MYO1D: variants seen among roughly 807,000 people sequenced by gnomAD.
The protein encoded by MYO1D is myosin ID.
A neutral mutation model predicts 122.0 loss-of-function variants in MYO1D; 83 were observed. That is an observed-to-expected ratio of 0.68 (90% CI 0.57 to 0.82). MYO1D has a LOEUF of 0.82. Ranked by LOEUF, MYO1D falls within the 40% of genes least tolerant of loss-of-function variation. The pLI, the probability that MYO1D is intolerant of heterozygous loss-of-function variation, is 0.00. For missense variants in MYO1D, 1,157 were observed against 1,269.5 expected (o/e 0.91, Z 1.35); for synonymous variants, 464 against 446.9 (o/e 1.04, Z -0.48).
chr17:32,693,109 ATTAAATTG>A, intron 16 of MYO1D, among the ~76,000 whole-genome samples: 2 of 152,352 alleles, frequency 1.3e-5, no homozygotes, highest in South Asian at 4.1e-4. Context: ...AGCAATTCTC[ATTAAATTG>A]TTCAGAAGTT....
intron 15 of MYO1D, among the ~76,000 whole-genome samples, chr17:32,715,380 T>C (rs1334496187): frequency 6.6e-6 from 1 of 152,214 alleles, no homozygotes; most frequent in Non-Finnish European, 1.5e-5. Context: ...AGTAGATATG[T>C]AGGAAGCATC....
Position 32,577,245 on chromosome 17 carries a change from A to G in MYO1D, c.2864+27842T>C, listed in dbSNP as rs1294365295. Reference sequence around the variant, plus strand: ...CAGCCTGGGCGACAGAGTGGGACTCAGTCTCAGGAAAAAAAAAAAAAAGCA... The same window carrying G: ...CAGCCTGGGCGACAGAGTGGGACTCGGTCTCAGGAAAAAAAAAAAAAAGCA... On this transcript the variant is annotated intron_variant, in intron 21 of 21. Coordinates refer to ENST00000318217, the MANE Select transcript of MYO1D (RefSeq NM_015194.3). Among the ~76,000 whole-genome samples, 5 of 140,950 alleles carry G rather than the reference A, an allele frequency of 3.5e-5. No individual in the cohort carries two copies. In the South Asian group the frequency reaches 6.7e-4, roughly 19 times the overall value. 92.5% of individuals were successfully genotyped at this position (140,950 alleles called of 152,430 possible).
chr17:32,519,536 C>T (rs1910034529), intron 21 of MYO1D, among the ~76,000 whole-genome samples: 1 of 151,874 alleles, frequency 6.6e-6, no homozygotes, highest in South Asian at 2.1e-4. Flanking sequence ...AACGCCGGCC[C>T]CAGCGCCCGC....
intron 21 of MYO1D, among the ~76,000 whole-genome samples, chr17:32,503,606 T>A (rs957885596): frequency 6.6e-6 from 1 of 152,204 alleles, no homozygotes; most frequent in African/African-American, 2.4e-5. Context: ...GGTAACAGGA[T>A]GTGGTAGGAG....
intron 20 of MYO1D, among the ~76,000 whole-genome samples, chr17:32,629,439 T>C (rs367697088): frequency 6.6e-6 from 1 of 152,064 alleles, no homozygotes; most frequent in East Asian, 1.9e-4. Flanking sequence ...AATCCACTTA[T>C]ATTAAAAAGT....
At chr17:32,622,072 C>T (rs1241266726) in intron 20 of MYO1D, among the ~76,000 whole-genome samples, 1 of 152,162 alleles carries the variant, frequency 6.6e-6, no homozygotes, top group African/African-American at 2.4e-5. Context: ...TCCTAGGTTG[C>T]TCTTTGACTG....
intron 1 of MYO1D, among the ~76,000 whole-genome samples, chr17:32,815,566 C>G (rs2151053456): frequency 6.6e-6 from 1 of 152,352 alleles, no homozygotes; most frequent in Middle Eastern, 3.4e-3. Context: ...CCTGGTCAGG[C>G]AGCCCTCTTC....
intron 1 of MYO1D, among the ~76,000 whole-genome samples, chr17:32,827,585 A>C (rs867055321): frequency 1.4e-4 from 21 of 152,382 alleles, no homozygotes; most frequent in Middle Eastern, 3.4e-3. Context: ...ATTTTACTAC[A>C]ATAAAAAAAT....
At chr17:32,519,102 T>TG (rs961927008) in intron 21 of MYO1D, 3 of 152,414 alleles carry the variant, frequency 2.0e-5, no homozygotes, top group Non-Finnish European at 4.4e-5. Context: ...AAGAGGTCCG[T>TG]GGGGAATCTC....
chr17:32,742,474 T>C (rs1431662262), intron 13 of MYO1D, among the ~76,000 whole-genome samples: 1 of 152,232 alleles, frequency 6.6e-6, no homozygotes, highest in Non-Finnish European at 1.5e-5. Flanking sequence ...CTCTGGGCCA[T>C]GGTACATTCA....
At chr17:32,739,117 AT>A (rs1403408048) in intron 13 of MYO1D, among the ~76,000 whole-genome samples, 9 of 151,858 alleles carry the variant, frequency 5.9e-5, no homozygotes, top group African/African-American at 1.2e-4. Flanking sequence ...CTCAACTGTC[AT>A]TTTTTTTCTG....
At chr17:32,676,871 C>A (rs190189960) in intron 16 of MYO1D, among the ~76,000 whole-genome samples, 87 of 150,868 alleles carry the variant, frequency 5.8e-4, no homozygotes, top group African/African-American at 2.0e-3. Context: ...AGTGCAGTGG[C>A]GCTATCTTGG....
Position 32,744,452 on chromosome 17 carries a change from AGAC to A in MYO1D, c.1613+756_1613+758del, listed in dbSNP as rs2089808623. On this transcript the variant is annotated intron_variant, in intron 13 of 21. Transcript: ENST00000318217. The stretch of plus-strand genomic sequence containing the variant: ...TTGTTTATTAACTGTCACCTTTACT[AGAC>A]TATAATCTCCATGAGGCCAGGGACT... Among the ~76,000 whole-genome samples the A allele has an allele frequency of 1.1e-4, 17 of 152,284 alleles. No individual in the cohort carries two copies. In the South Asian group the frequency reaches 3.5e-3, roughly 32 times the overall value.
chr17:32,569,403 A>G (rs536083374), intron 21 of MYO1D, among the ~76,000 whole-genome samples: 2 of 152,352 alleles, frequency 1.3e-5, no homozygotes, highest in East Asian at 3.9e-4. Context: ...TTTAACTTAC[A>G]TGTGGTGTTC....
At chr17:32,676,080 A>C (rs1262508517) in intron 16 of MYO1D, among the ~76,000 whole-genome samples, 1 of 152,174 alleles carries the variant, frequency 6.6e-6, no homozygotes, top group Non-Finnish European at 1.5e-5. Context: ...TATATGCAGT[A>C]ACATTTTAGT....
At chr17:32,548,509 GA>G (rs1288130817) in intron 21 of MYO1D, among the ~76,000 whole-genome samples, 2 of 151,814 alleles carry the variant, frequency 1.3e-5, no homozygotes, top group South Asian at 2.1e-4. Flanking sequence ...GGCCTAATAA[GA>G]AGGAGTTAGA....
chr17:32,724,908 G>C (rs981353540), intron 14 of MYO1D, among the ~76,000 whole-genome samples: 1 of 151,964 alleles, frequency 6.6e-6, no homozygotes, highest in African/African-American at 2.4e-5. Context: ...TATTTCTGCA[G>C]ATAATTTTGC....
intron 21 of MYO1D, among the ~76,000 whole-genome samples, chr17:32,550,822 G>A (rs1218821378): frequency 1.3e-5 from 2 of 152,034 alleles, no homozygotes; most frequent in Non-Finnish European, 2.9e-5. Context: ...GTAGTGAGAT[G>A]CTGTTTTTAC....
chr17:32,841,758 C>A (rs2090884926), intron 1 of MYO1D, among the ~76,000 whole-genome samples: 1 of 149,310 alleles, frequency 6.7e-6, no homozygotes, highest in African/African-American at 2.5e-5. Flanking sequence ...GAGGATAAGC[C>A]CCCATCTCCT....
Sources: allele counts gnomAD v4.1 joint callset (sites outside exome capture counted in the v4.1 genomes callset), GRCh38; gene constraint gnomAD v4.1.1; transcripts MANE v1.5; gene names NCBI Gene and HGNC (gene_info 2026-07-23, HGNC 2026-07-21).